The following CFTR variants were observed in gnomAD, a reference collection of about 807,000 sequenced individuals.
The protein encoded by CFTR is CF transmembrane conductance regulator, also known as cystic fibrosis transmembrane conductance regulator.
A neutral mutation model predicts 171.6 loss-of-function variants in CFTR; 181 were observed. The observed-to-expected ratio is 1.05, with a 90% CI of 0.93 to 1.19. The LOEUF (loss-of-function observed/expected upper bound fraction) is 1.19. CFTR is among the 50% of genes most tolerant of loss of function. CFTR has a pLI of 0.00. For synonymous variants in CFTR, 583 were observed against 608.0 expected (o/e 0.96, Z 0.60); for missense variants, 1,968 against 1,734.7 (o/e 1.13, Z -2.39).
intron 1 of CFTR, among the ~76,000 whole-genome samples, chr7:117,490,057 C>T (rs1348917908): frequency 1.3e-5 from 2 of 151,718 alleles, no homozygotes; most frequent in Non-Finnish European, 2.9e-5. Flanking sequence ...TCATTGTCAA[C>T]TGTCAGGTAG....
Position 117,642,352 on chromosome 7 carries a change from G to T in CFTR, c.3718-86G>T, listed in dbSNP as rs560707813. ...GGTGACAGGATAAAATATTCCAATG[G>T]TTTTTATTGAAGTACAATACTGAAT... On this transcript the variant is annotated intron_variant, in intron 22 of 26. Coordinates refer to ENST00000003084, the MANE Select transcript of CFTR (RefSeq NM_000492.4). 26 of 1,288,488 alleles carry T rather than the reference G, an allele frequency of 2.0e-5. No homozygotes were observed. The African/African-American group carries it at 3.7e-4, about 18-fold the overall frequency. 79.8% of individuals were successfully genotyped at this position (1,288,488 alleles called of 1,614,324 possible). A position where few individuals can be genotyped will look rare whatever the true frequency, so the allele number is the denominator to read the frequency against.
intron 11 of CFTR, among the ~76,000 whole-genome samples, chr7:117,568,223 G>C (rs1460898503): frequency 6.6e-6 from 1 of 152,192 alleles, no homozygotes; most frequent in East Asian, 1.9e-4. Context: ...GGAGAGGACA[G>C]TTATATCCAG....
chr7:117,599,502 T>C (rs1378194400), intron 15 of CFTR, among the ~76,000 whole-genome samples: 2 of 152,096 alleles, frequency 1.3e-5, no homozygotes, highest in Non-Finnish European at 2.9e-5. Context: ...CATATAAATA[T>C]CTATTATTTA....
At chr7:117,633,902 A>G (rs1417254317) in intron 22 of CFTR, among the ~76,000 whole-genome samples, 1 of 151,984 alleles carries the variant, frequency 6.6e-6, no homozygotes, top group Non-Finnish European at 1.5e-5. Flanking sequence ...CGATTTGCTA[A>G]TACTTTTTGA....
Position 117,581,177 on chromosome 7 carries a change from G to A in CFTR, c.1585-6562G>A, listed in dbSNP as rs114003830. ...TGTCTGGGAATATCATGTCTACCTT[G>A]ACCTCACCCTTAAGAATCCTAGCCT... On this transcript the variant is annotated intron_variant, in intron 11 of 26. Transcript: ENST00000003084. Among the ~76,000 whole-genome samples, 956 of 152,218 alleles carry A rather than the reference G, an allele frequency of 6.3e-3. 9 individuals carry two copies. Among genetic ancestry groups the A allele is most frequent in the African/African-American group, 0.022 (919 of 41,528 alleles).
At chr7:117,505,306 TAGG>T (rs1222572693) in intron 2 of CFTR, among the ~76,000 whole-genome samples, 1 of 152,068 alleles carries the variant, frequency 6.6e-6, no homozygotes, top group Non-Finnish European at 1.5e-5. Flanking sequence ...ATCAAAAGGT[TAGG>T]ATCCTTTTGA....
chr7:117,662,679 A>T (rs1017683331), intron 24 of CFTR, among the ~76,000 whole-genome samples: 3 of 152,204 alleles, frequency 2.0e-5, no homozygotes, highest in Admixed American at 6.5e-5. Flanking sequence ...GGGTGTTTGT[A>T]TGGTGGACTT....
rs397508674 is a variant in CFTR at position 117,531,035 on chromosome 7, T to C, written c.410T>C (p.Leu137Pro). 1 of 1,613,688 alleles carries C rather than the reference T, an allele frequency of 6.2e-7. No homozygotes were observed. The highest frequency in any genetic ancestry group is 8.5e-7 in the Non-Finnish European group (1 of 1,179,880). ...LCLLFIVRTL[L>P]LHPAIFGLHH... ...CTTCTCTTTATTGTGAGGACACTGC[T>C]CCTACACCCAGCCATTTTTGGCCTT... is the stretch of plus-strand genomic sequence containing the variant. Residue 137 changes from leucine to proline, a missense_variant, in exon 4 of 27, where the codon CTC becomes CCC. Physicochemically the swap from Leu to Pro is moderately conservative, Grantham distance 98. Coordinates refer to ENST00000003084, the MANE Select transcript of CFTR (RefSeq NM_000492.4).
chr7:117,569,522 T>C (rs761627412), intron 11 of CFTR, among the ~76,000 whole-genome samples: 10 of 152,102 alleles, frequency 6.6e-5, no homozygotes, highest in Non-Finnish European at 1.2e-4. Flanking sequence ...GCATTCAACA[T>C]ATACAAATGC....
At chr7:117,503,779 C>T (rs529546418) in intron 1 of CFTR, among the ~76,000 whole-genome samples, 1 of 152,218 alleles carries the variant, frequency 6.6e-6, no homozygotes, top group Non-Finnish European at 1.5e-5. Context: ...CAATGAATAG[C>T]TCATTACTGA....
intron 22 of CFTR, among the ~76,000 whole-genome samples, chr7:117,638,635 C>T (rs1168843358): frequency 6.6e-6 from 1 of 151,856 alleles, no homozygotes; most frequent in East Asian, 1.9e-4. Context: ...ACTAGGGAAG[C>T]TAAGGCATGA....
At chr7:117,561,437 G>T (rs1021897768) in intron 11 of CFTR, among the ~76,000 whole-genome samples, 4 of 151,900 alleles carry the variant, frequency 2.6e-5, no homozygotes, top group African/African-American at 9.7e-5. Context: ...AAGAAATCCT[G>T]TGCCTATTAG....
At chr7:117,632,736 G>A (rs1792768587) in intron 22 of CFTR, among the ~76,000 whole-genome samples, 1 of 152,122 alleles carries the variant, frequency 6.6e-6, no homozygotes. Context: ...CAAGAGCACT[G>A]CTCTGTGGGG....
intron 3 of CFTR, among the ~76,000 whole-genome samples, chr7:117,512,423 T>A (rs1175967490): frequency 1.3e-5 from 2 of 151,836 alleles, no homozygotes; most frequent in Non-Finnish European, 2.9e-5. Flanking sequence ...GTCAGGAGTT[T>A]GAGACCAGCC....
chr7:117,665,593 T>C, intron 26 of CFTR, 29 bp downstream of exon 26: 1 of 1,289,642 alleles, frequency 7.8e-7, no homozygotes, highest in Non-Finnish European at 1.1e-6. Flanking sequence ...ACTTAAGATC[T>C]CATTGCCCTT....
chr7:117,551,902 G>A (rs1248596672), intron 10 of CFTR, among the ~76,000 whole-genome samples: 1 of 152,006 alleles, frequency 6.6e-6, no homozygotes, highest in East Asian at 1.9e-4. Context: ...GCCTCACTAT[G>A]GTACTGAGTT....
At position 117,603,582 on chromosome 7, in the gene CFTR, A is replaced by G. The variant is rs147297080; in HGVS notation, c.2708A>G (p.Tyr903Cys). The G allele has an allele frequency of 5.0e-6, 8 of 1,613,496 alleles. No homozygotes were observed. The highest frequency in any genetic ancestry group is 6.8e-6 in the Non-Finnish European group (8 of 1,179,572). ...AGTACTCATAGTAGAAATAACAGCT[A>G]TGCAGTGATTATCACCAGCACCAGT... Reference protein sequence around the residue: ...GNSTHSRNNSYAVIITSTSSY... With the variant: ...GNSTHSRNNSCAVIITSTSSY... The change falls in exon 17 of 27, where the codon TAT (tyrosine) becomes TGT (cysteine). Residue 903 changes from tyrosine (Y) to cysteine (C), a missense_variant. By Grantham distance (194) the Tyr-to-Cys change is radical. Coordinates refer to ENST00000003084, the MANE Select transcript of CFTR (RefSeq NM_000492.4).
intron 8 of CFTR, 58 bp downstream of exon 8, chr7:117,540,404 A>G: frequency 6.7e-7 from 1 of 1,493,434 alleles, no homozygotes; most frequent in Admixed American, 1.9e-5. Flanking sequence ...TCAATAGATC[A>G]GTTCTAATGA....
rs1472821278 is a variant in CFTR at position 117,602,833 on chromosome 7, C to T, written c.2627C>T (p.Ala876Val). 3 of 1,613,992 alleles carry T rather than the reference C, an allele frequency of 1.9e-6. No individual in the cohort carries two copies. Among genetic ancestry groups the T allele is most frequent in the Admixed American group, 3.3e-5 (2 of 60,022 alleles). Residue 876 changes from alanine (A) to valine (V), a missense_variant, in exon 16 of 27, where the codon GCT becomes GTT. Ala to Val is a moderately conservative substitution (Grantham distance 64). Coordinates refer to ENST00000003084, the MANE Select transcript of CFTR (RefSeq NM_000492.4). Reference sequence around the variant, plus strand: ...TGTCTTGTTCCATTCCAGGTGGCTGCTTCTTTGGTTGTGCTGTGGCTCCTT... The same window carrying T: ...TGTCTTGTTCCATTCCAGGTGGCTGTTTCTTTGGTTGTGCTGTGGCTCCTT... ...CLVIFLAEVA[A>V]SLVVLWLLGN...
Sources: allele counts gnomAD v4.1 joint callset (sites outside exome capture counted in the v4.1 genomes callset), GRCh38; gene constraint gnomAD v4.1.1; transcripts MANE v1.5; gene names NCBI Gene and HGNC (gene_info 2026-07-23, HGNC 2026-07-21).